Variants in FAM200B observed in about 807,000 individuals in gnomAD.
The protein encoded by FAM200B is protein FAM200B.
Under a neutral mutation model 33.1 loss-of-function variants are expected in FAM200B, and 32 were observed. The ratio of observed to expected loss-of-function variants is 0.97; its 90% confidence interval spans 0.73 to 1.30. The LOEUF is 1.30. Among genes scored for constraint, FAM200B ranks in the 50% most tolerant of loss-of-function variants. The pLI is 0.00. For missense variants in FAM200B, 741 were observed against 754.0 expected (o/e 0.98, Z 0.20); for synonymous variants, 240 against 264.8 (o/e 0.91, Z 0.91).
At position 15,689,221 on chromosome 4, in the gene FAM200B, C is replaced by G. The variant is rs1340092406; in HGVS notation, c.*270C>G. 2 of 289,566 alleles carry G rather than the reference C, an allele frequency of 6.9e-6. No individual in the cohort carries two copies. Among genetic ancestry groups the G allele is most frequent in the African/African-American group, 4.4e-5 (2 of 45,626 alleles). 17.9% of individuals were successfully genotyped at this position (289,566 alleles called of 1,614,324 possible). A position where few individuals can be genotyped will look rare whatever the true frequency, so the allele number is the denominator to read the frequency against. ...TTATATCCTGGCAAGGAGAAATTGA[C>G]AATAAACCTAATAAATAAGGTTTAT... On this transcript the variant is annotated 3_prime_UTR_variant, in exon 2 of 2. Coordinates refer to ENST00000422728, the MANE Select transcript of FAM200B (RefSeq NM_001145191.2).
chr4:15,677,503 T>G (rs1718036865), upstream of FAM200B, among the ~76,000 whole-genome samples: 1 of 152,188 alleles, frequency 6.6e-6, no homozygotes, highest in East Asian at 1.9e-4. Context: ...TTAAAACTTT[T>G]AGCCCATCTC....
chr4:15,671,931 C>T, the FAM200B span, among the ~76,000 whole-genome samples: 5 of 152,166 alleles, frequency 3.3e-5, no homozygotes, highest in Admixed American at 2.0e-4. Flanking sequence ...ACTTTTTGAA[C>T]ATATGGAATA....
chr4:15,663,073 T>G, the FAM200B span, among the ~76,000 whole-genome samples: 1 of 152,208 alleles, frequency 6.6e-6, no homozygotes, highest in Admixed American at 6.5e-5. Context: ...ATAAAAGGAA[T>G]GCTATTATTT....
chr4:15,688,660 A>C lies in FAM200B; in HGVS notation c.1683A>C (p.Glu561Asp). 1 of 1,551,470 alleles carries C rather than the reference A, an allele frequency of 6.4e-7. No homozygotes were observed. The highest frequency in any genetic ancestry group is 8.7e-7 in the Non-Finnish European group (1 of 1,146,818). Residue 561 changes from glutamate (E) to aspartate (D), a missense_variant, in exon 2 of 2, where the codon GAA becomes GAC. Transcript: ENST00000422728. ...ELNLVPEEENELLQLSSSYTL... is the reference protein window; with the variant it reads ...ELNLVPEEENDLLQLSSSYTL... ...ACTTGGTGCCTGAAGAAGAGAATGA[A>C]TTATTGCAGCTTAGTTCTTCATATA...
At chr4:15,668,063 G>A in the FAM200B span, among the ~76,000 whole-genome samples, 3 of 150,762 alleles carry the variant, frequency 2.0e-5, no homozygotes, top group African/African-American at 7.3e-5. Context: ...AAAAACAGAT[G>A]GTCAATTTAA....
chr4:15,646,368 A>ATT, the FAM200B span, among the ~76,000 whole-genome samples: 3,014 of 149,834 alleles, frequency 0.02, 89 homozygotes, highest in African/African-American at 0.068. Context: ...CATATTATAG[A>ATT]TTTTTTTTTA....
chr4:15,648,712 A>G, the FAM200B span, among the ~76,000 whole-genome samples: 1 of 152,148 alleles, frequency 6.6e-6, no homozygotes, highest in African/African-American at 2.4e-5. Context: ...GGGGCAGGGG[A>G]TGGAGAAAAT....
At chr4:15,655,783 C>T in the FAM200B span, among the ~76,000 whole-genome samples, 1 of 152,196 alleles carries the variant, frequency 6.6e-6, no homozygotes. Context: ...TGCTTCTGGC[C>T]AGGACCTCCG....
rs1719197904 is a variant in FAM200B at position 15,689,376 on chromosome 4, G to A, written c.*425G>A. 1 of 168,452 alleles carries A rather than the reference G, an allele frequency of 5.9e-6. No homozygotes were observed. The highest frequency in any genetic ancestry group is 2.4e-5 in the African/African-American group (1 of 41,488). 10.4% of individuals were successfully genotyped at this position (168,452 alleles called of 1,614,324 possible). The stretch of plus-strand genomic sequence containing the variant: ...CTCTGGCTTTTGTCAGTGGACTAGA[G>A]AACAGTTGAAGGGTTTAAGCGAAGG... On this transcript the variant is annotated 3_prime_UTR_variant, in exon 2 of 2. Coordinates refer to ENST00000422728, the MANE Select transcript of FAM200B (RefSeq NM_001145191.2).
the FAM200B span, among the ~76,000 whole-genome samples, chr4:15,670,330 G>T: frequency 6.6e-6 from 1 of 152,176 alleles, no homozygotes; most frequent in South Asian, 2.1e-4. Context: ...AACTTTACAG[G>T]AAACAGTCAA....
chr4:15,655,411 G>C, the FAM200B span: 2 of 1,011,604 alleles, frequency 2.0e-6, no homozygotes, highest in African/African-American at 1.8e-5. Flanking sequence ...CGCGCGCCCG[G>C]TCGGCTTGGC....
At chr4:15,669,097 G>GATAT in the FAM200B span, among the ~76,000 whole-genome samples, 1 of 152,166 alleles carries the variant, frequency 6.6e-6, no homozygotes, top group Non-Finnish European at 1.5e-5. Context: ...AACTGAATTA[G>GATAT]ATATATAGTT....
chr4:15,666,981 T>C, the FAM200B span, among the ~76,000 whole-genome samples: 1 of 152,198 alleles, frequency 6.6e-6, no homozygotes, highest in Admixed American at 6.5e-5. Context: ...CATAAATGTA[T>C]ACAATTATAA....
At chr4:15,671,465 G>T in the FAM200B span, among the ~76,000 whole-genome samples, 3 of 151,916 alleles carry the variant, frequency 2.0e-5, no homozygotes, top group African/African-American at 7.3e-5. Context: ...AAGAGACAGG[G>T]TCTCTCCACA....
Position 15,687,136 on chromosome 4 carries a change from C to A in FAM200B, c.159C>A (p.Phe53Leu). Reference sequence around the variant, plus strand: ...CTTCAACTTCATTTGAGCCACATTTCAAAAAGAAAAAAGTAAGTGCAAGAC... The same window carrying A: ...CTTCAACTTCATTTGAGCCACATTTAAAAAAGAAAAAAGTAAGTGCAAGAC... ...LQTSTSFEPHFKKKKVSARRY... is the reference protein window; with the variant it reads ...LQTSTSFEPHLKKKKVSARRY... Residue 53 changes from phenylalanine to leucine, a missense_variant, in exon 2 of 2, where the codon TTC (phenylalanine) becomes TTA (leucine). Phe to Leu is a conservative substitution (Grantham distance 22). Coordinates refer to ENST00000422728, the MANE Select transcript of FAM200B (RefSeq NM_001145191.2). The A allele has an allele frequency of 6.5e-7, 1 of 1,545,660 alleles. No homozygotes were observed. Among genetic ancestry groups the A allele is most frequent in the Admixed American group, 2.0e-5 (1 of 49,686 alleles).
the FAM200B span, chr4:15,638,783 C>T: frequency 4.2e-4 from 322 of 773,282 alleles, 1 homozygote; most frequent in East Asian, 4.1e-3. Flanking sequence ...GCTCGAATGT[C>T]GTATTATGAC....
chr4:15,655,571 T>C, the FAM200B span, among the ~76,000 whole-genome samples: 1 of 152,112 alleles, frequency 6.6e-6, no homozygotes, highest in Admixed American at 6.5e-5. Flanking sequence ...AACCCAAACC[T>C]TTTCCCTGTT....
the FAM200B span, among the ~76,000 whole-genome samples, chr4:15,660,845 G>C: frequency 6.6e-6 from 1 of 152,180 alleles, no homozygotes; most frequent in African/African-American, 2.4e-5. Flanking sequence ...GGGAGGCCGA[G>C]GTGGGCGGAT....
chr4:15,657,705 G>A, the FAM200B span, among the ~76,000 whole-genome samples: 10 of 152,312 alleles, frequency 6.6e-5, no homozygotes, highest in South Asian at 1.7e-3. Context: ...AGCTCCATAT[G>A]CTGAATTATG....
Sources: allele counts gnomAD v4.1 joint callset (sites outside exome capture counted in the v4.1 genomes callset), GRCh38; gene constraint gnomAD v4.1.1; transcripts MANE v1.5; gene names NCBI Gene and HGNC (gene_info 2026-07-23, HGNC 2026-07-21).